Variants in PRKAR1B observed in about 807,000 individuals in gnomAD.
PRKAR1B encodes the protein protein kinase cAMP-dependent type I regulatory subunit beta, also known as cAMP-dependent protein kinase type I-beta regulatory subunit.
A neutral mutation model predicts 46.5 loss-of-function variants in PRKAR1B; 22 were observed. The ratio of observed to expected loss-of-function variants is 0.47; its 90% confidence interval spans 0.34 to 0.68. The LOEUF (loss-of-function observed/expected upper bound fraction) is 0.68, where lower values mean the gene tolerates loss of function less well. Among genes scored for constraint, PRKAR1B ranks in the 30% least tolerant of loss-of-function variants. The pLI is 0.01. For missense variants in PRKAR1B, 445 were observed against 535.6 expected (o/e 0.83, Z 1.67); for synonymous variants, 259 against 217.7 (o/e 1.19, Z -1.67).
intron 6 of PRKAR1B, among the ~76,000 whole-genome samples, chr7:604,383 G>A (rs1781868600): frequency 6.6e-6 from 1 of 152,194 alleles, no homozygotes; most frequent in South Asian, 2.1e-4. Flanking sequence ...GGCAGTACCC[G>A]GGACCTTTGG....
chr7:722,096 CTTTTTTTTT>C (rs147399956), intron 1 of PRKAR1B, among the ~76,000 whole-genome samples: 4 of 92,352 alleles, frequency 4.3e-5, no homozygotes, highest in Non-Finnish European at 8.2e-5. Flanking sequence ...AGTTTTCAGC[CTTTTTTTTT>C]TTTTTTTTTT....
rs565510425 is a variant in PRKAR1B, at chr7:579,748, A to G, written c.770-371T>C. The stretch of plus-strand genomic sequence containing the variant: ...ACTTCAAAAGAATAGAGCTGCTTAC[A>G]TTTTTGCAAACAATGGAGTCCCAGC... On this transcript the variant is annotated intron_variant, in intron 8 of 10. Transcript: ENST00000537384. Among the ~76,000 whole-genome samples the G allele has an allele frequency of 6.6e-5, 10 of 152,364 alleles. No homozygotes were observed. In the East Asian group the frequency reaches 1.7e-3, roughly 26 times the overall value.
At chr7:594,837 G>A (rs9718730) in intron 7 of PRKAR1B, among the ~76,000 whole-genome samples, 79,660 of 151,872 alleles carry the variant, frequency 0.52, 21,713 homozygotes, top group South Asian at 0.81. Flanking sequence ...AGACCATGAG[G>A]AGTCCCCCCC....
rs1049571755 is a variant in PRKAR1B at position 586,688 on chromosome 7, A to G, written c.709-2120T>C. Among the ~76,000 whole-genome samples the G allele has an allele frequency of 3.9e-5, 6 of 152,322 alleles. 1 individual carries two copies. The highest frequency in any genetic ancestry group is 1.4e-4 in the African/African-American group (6 of 41,566). On this transcript the variant is annotated intron_variant, in intron 7 of 10. Transcript: ENST00000537384. ...ACTAAGTTTGAGGGGAATTTGTTAC[A>G]CAGCCACAGCTAACTAATACATCCA...
At chr7:589,693 G>A (rs1336595417) in intron 7 of PRKAR1B, among the ~76,000 whole-genome samples, 1 of 152,196 alleles carries the variant, frequency 6.6e-6, no homozygotes, top group Non-Finnish European at 1.5e-5. Flanking sequence ...CACTGTCCTG[G>A]AGACAACAAG....
At chr7:727,008 A>G in intron 1 of PRKAR1B, 27 of 1,238,068 alleles carry the variant, frequency 2.2e-5, no homozygotes, top group Non-Finnish European at 2.7e-5. Flanking sequence ...GCGCGCTGGC[A>G]GTGCACCTGC....
intron 4 of PRKAR1B, among the ~76,000 whole-genome samples, chr7:616,373 G>A (rs1052125608): frequency 6.6e-6 from 1 of 152,182 alleles, no homozygotes; most frequent in African/African-American, 2.4e-5. Context: ...TCCACCTCTG[G>A]CCAAACGCAG....
chr7:571,427 G>A (rs765935058), intron 9 of PRKAR1B, among the ~76,000 whole-genome samples: 3 of 152,242 alleles, frequency 2.0e-5, no homozygotes, highest in African/African-American at 4.8e-5. Context: ...AGGCGTCGGC[G>A]GGGAGGAGGC....
At chr7:653,459 G>A (rs1000673790) in intron 4 of PRKAR1B, among the ~76,000 whole-genome samples, 2 of 152,154 alleles carry the variant, frequency 1.3e-5, no homozygotes, top group Non-Finnish European at 2.9e-5. Flanking sequence ...CCCTTTCCCA[G>A]AAGCCTTTAG....
intron 4 of PRKAR1B, among the ~76,000 whole-genome samples, chr7:609,851 T>C (rs1308362644): frequency 6.6e-6 from 1 of 152,124 alleles, no homozygotes; most frequent in Non-Finnish European, 1.5e-5. Context: ...AGGTGTCCTC[T>C]CACCTGAGCC....
At chr7:648,238 G>A (rs1330000692) in intron 4 of PRKAR1B, among the ~76,000 whole-genome samples, 1 of 152,040 alleles carries the variant, frequency 6.6e-6, no homozygotes, top group Non-Finnish European at 1.5e-5. Flanking sequence ...TTAGGTAGTT[G>A]CAAAAAGGAG....
At chr7:721,000 T>C (rs1781052536) in intron 1 of PRKAR1B, among the ~76,000 whole-genome samples, 1 of 152,222 alleles carries the variant, frequency 6.6e-6, no homozygotes, top group Non-Finnish European at 1.5e-5. Flanking sequence ...TGTTCTCTCA[T>C]GCTTTACTGT....
intron 4 of PRKAR1B, among the ~76,000 whole-genome samples, chr7:675,500 TAAAG>T (rs1178072632): frequency 5.3e-5 from 8 of 152,356 alleles, no homozygotes; most frequent in African/African-American, 1.9e-4. Flanking sequence ...GTTAATGTAA[TAAAG>T]AATTATAATT....
chr7:718,031 A>AC (rs1780940186), intron 1 of PRKAR1B, among the ~76,000 whole-genome samples: 1 of 152,072 alleles, frequency 6.6e-6, no homozygotes, highest in South Asian at 2.1e-4. Flanking sequence ...CTGTAAGAGG[A>AC]CCCCGTGGCC....
chr7:639,696 A>T (rs1490232468), intron 4 of PRKAR1B, among the ~76,000 whole-genome samples: 5 of 152,098 alleles, frequency 3.3e-5, no homozygotes, highest in Admixed American at 6.6e-5. Flanking sequence ...CAAAAAAATT[A>T]AAAAATTAAT....
chr7:677,355 C>T (rs761161476), intron 3 of PRKAR1B, 35 bp from the exon 4 acceptor site: 18 of 1,594,108 alleles, frequency 1.1e-5, no homozygotes, highest in Non-Finnish European at 1.4e-5. Context: ...GTGTGAGCCA[C>T]CCTGGCCTGA....
At chr7:563,698 C>T (rs578233935) in intron 9 of PRKAR1B, among the ~76,000 whole-genome samples, 69 of 151,608 alleles carry the variant, frequency 4.6e-4, no homozygotes, top group African/African-American at 9.9e-4. Flanking sequence ...CATGTCTGTG[C>T]GGTGTGTGCA....
chr7:727,351 C>A (rs1313950020), upstream of PRKAR1B: 50 of 1,155,822 alleles, frequency 4.3e-5, no homozygotes, highest in Admixed American at 3.6e-4. Flanking sequence ...CACGCCACCC[C>A]ACACTCTCAC....
chr7:665,719 G>T (rs1000465322), intron 4 of PRKAR1B, among the ~76,000 whole-genome samples: 1 of 152,190 alleles, frequency 6.6e-6, no homozygotes, highest in Non-Finnish European at 1.5e-5. Context: ...AAGTCCCAAA[G>T]CCCAAGCCAG....
Sources: gnomAD v4.1 joint callset for allele counts (sites outside exome capture counted in the v4.1 genomes callset) on GRCh38, gnomAD v4.1.1 for gene constraint, MANE v1.5 for transcripts, NCBI Gene and HGNC (gene_info 2026-07-23, HGNC 2026-07-21) for gene names.